The following CDH13 variants were observed in gnomAD, a reference collection of about 807,000 sequenced individuals.
The protein encoded by CDH13 is cadherin 13.
In CDH13, 24 loss-of-function variants were observed where a neutral mutation model predicts 63.8. That is an observed-to-expected ratio of 0.38 (90% CI 0.27 to 0.53). CDH13 has a LOEUF of 0.53. Ranked by LOEUF, CDH13 falls within the 20% of genes least tolerant of loss-of-function variation. The pLI, the probability that CDH13 is intolerant of heterozygous loss-of-function variation, is 0.85. For missense variants in CDH13, 1,049 were observed against 903.1 expected (o/e 1.16, Z -2.07); for synonymous variants, 503 against 355.3 (o/e 1.42, Z -4.67).
chr16:83,173,871 T>A (rs2038020318), intron 4 of CDH13, among the ~76,000 whole-genome samples: 1 of 152,050 alleles, frequency 6.6e-6, no homozygotes, highest in African/African-American at 2.4e-5. Context: ...GGGGTTCCTA[T>A]CAAACTCTGC....
intron 1 of CDH13, among the ~76,000 whole-genome samples, chr16:82,856,418 C>T (rs114808449): frequency 3.8e-3 from 528 of 137,482 alleles, no homozygotes; most frequent in African/African-American, 0.013. Flanking sequence ...AAGAAAAATA[C>T]TAGCTGGGTG....
At chr16:83,476,302 A>G (rs1424447423) in intron 6 of CDH13, among the ~76,000 whole-genome samples, 1 of 152,186 alleles carries the variant, frequency 6.6e-6, no homozygotes, top group Non-Finnish European at 1.5e-5. Flanking sequence ...AGGCATTGCC[A>G]AATGTTCCCT....
intron 2 of CDH13, among the ~76,000 whole-genome samples, chr16:82,892,319 C>G (rs534666946): frequency 4.7e-4 from 71 of 152,262 alleles, no homozygotes; most frequent in Non-Finnish European, 7.1e-4. Context: ...GCATTTGTGC[C>G]TGCATGCTCA....
intron 1 of CDH13, among the ~76,000 whole-genome samples, chr16:82,694,158 A>G (rs765601246): frequency 6.6e-6 from 1 of 152,368 alleles, no homozygotes; most frequent in South Asian, 2.1e-4. Context: ...ATATAGAGCT[A>G]TTTATGCAGA....
intron 6 of CDH13, among the ~76,000 whole-genome samples, chr16:83,479,478 A>C (rs917684489): frequency 2.0e-4 from 31 of 152,154 alleles, no homozygotes; most frequent in Admixed American, 2.0e-3. Context: ...AACATGGTGA[A>C]ACCCCATCTC....
intron 4 of CDH13, among the ~76,000 whole-genome samples, chr16:83,143,742 T>C (rs1248671858): frequency 6.6e-6 from 1 of 152,160 alleles, no homozygotes; most frequent in African/African-American, 2.4e-5. Flanking sequence ...CTGCTCTGCA[T>C]CCTCTTGAGT....
chr16:83,684,234 G>A (rs1401514619), intron 10 of CDH13, among the ~76,000 whole-genome samples: 1 of 152,136 alleles, frequency 6.6e-6, no homozygotes, highest in Non-Finnish European at 1.5e-5. Context: ...GGGCATGGTG[G>A]TGTACCCCTG....
At chr16:83,547,606 T>A (rs780632668) in intron 7 of CDH13, among the ~76,000 whole-genome samples, 38 of 152,228 alleles carry the variant, frequency 2.5e-4, no homozygotes, top group Non-Finnish European at 5.0e-4. Flanking sequence ...TCCAGCTCCA[T>A]CCATGTTCCT....
chr16:83,309,702 G>T (rs1426897087), intron 5 of CDH13, among the ~76,000 whole-genome samples: 7 of 152,126 alleles, frequency 4.6e-5, no homozygotes, highest in African/African-American at 1.7e-4. Flanking sequence ...GGAATGTCCT[G>T]TTGCAATCCT....
At chr16:83,392,847 C>A (rs560229627) in intron 6 of CDH13, among the ~76,000 whole-genome samples, 1 of 148,514 alleles carries the variant, frequency 6.7e-6, no homozygotes, top group Non-Finnish European at 1.5e-5. Context: ...ATGGAGGTAG[C>A]TTCTAGAAGG....
chr16:82,757,496 G>T (rs960259760), intron 1 of CDH13, among the ~76,000 whole-genome samples: 4 of 152,194 alleles, frequency 2.6e-5, no homozygotes, highest in African/African-American at 7.2e-5. Context: ...ACATTTAATT[G>T]CAAGAGATAG....
intron 10 of CDH13, among the ~76,000 whole-genome samples, chr16:83,737,987 A>G (rs1361752685): frequency 1.3e-5 from 2 of 152,242 alleles, no homozygotes; most frequent in African/African-American, 2.4e-5. Context: ...ACAGTAATGT[A>G]TATGAATACA....
chr16:83,186,178 A>C (rs2038517338), intron 4 of CDH13, among the ~76,000 whole-genome samples: 1 of 146,648 alleles, frequency 6.8e-6, no homozygotes, highest in Non-Finnish European at 1.5e-5. Context: ...CTATGTCACC[A>C]GGCTGGAGTG....
chr16:82,912,942 A>G (rs1055099668), intron 2 of CDH13, among the ~76,000 whole-genome samples: 5 of 133,714 alleles, frequency 3.7e-5, no homozygotes, highest in African/African-American at 1.1e-4. Context: ...GACTGTGACT[A>G]AAAAAAAAAA....
chr16:82,670,296 G>A (rs1913085513), intron 1 of CDH13, among the ~76,000 whole-genome samples: 1 of 152,216 alleles, frequency 6.6e-6, no homozygotes, highest in African/African-American at 2.4e-5. Flanking sequence ...GGTTTGGTAG[G>A]CGACTTAGAA....
At chr16:83,668,783 A>G (rs1485399325) in intron 8 of CDH13, among the ~76,000 whole-genome samples, 11 of 152,158 alleles carry the variant, frequency 7.2e-5, no homozygotes, top group Admixed American at 4.6e-4. Flanking sequence ...TCTCTGTGCA[A>G]TCATCTTCAT....
intron 5 of CDH13, among the ~76,000 whole-genome samples, chr16:83,227,445 C>T (rs1269276684): frequency 6.6e-6 from 1 of 152,062 alleles, no homozygotes; most frequent in Non-Finnish European, 1.5e-5. Flanking sequence ...GTGATGGGGG[C>T]TGAGTTCCTG....
intron 5 of CDH13, among the ~76,000 whole-genome samples, chr16:83,293,047 G>A (rs148356925): frequency 2.0e-5 from 3 of 152,270 alleles, no homozygotes; most frequent in Admixed American, 6.5e-5. Flanking sequence ...TTACATAACA[G>A]CAATGGGCAT....
chr16:82,836,601 G>A (rs1447301569), intron 1 of CDH13, among the ~76,000 whole-genome samples: 2 of 152,184 alleles, frequency 1.3e-5, no homozygotes, highest in Non-Finnish European at 2.9e-5. Flanking sequence ...GAAGAGCACA[G>A]ATAAGTTCTG....
Sources: gnomAD v4.1 joint callset for allele counts (sites outside exome capture counted in the v4.1 genomes callset) on GRCh38, gnomAD v4.1.1 for gene constraint, MANE v1.5 for transcripts, NCBI Gene and HGNC (gene_info 2026-07-23, HGNC 2026-07-21) for gene names.